The following DENND3 variants were observed in gnomAD, a reference collection of about 807,000 sequenced individuals.
DENND3 encodes the protein DENN domain-containing protein 3.
Under a neutral mutation model 135.1 loss-of-function variants are expected in DENND3, and 88 were observed. The ratio of observed to expected loss-of-function variants is 0.65; its 90% CI spans 0.55 to 0.78. The LOEUF is 0.78. Ranked by LOEUF, DENND3 falls within the 30% of genes least tolerant of loss-of-function variation. The pLI is 0.00. For missense variants in DENND3, 1,392 were observed against 1,688.4 expected (o/e 0.82, Z 3.08); for synonymous variants, 693 against 712.3 (o/e 0.97, Z 0.43).
chr8:141,151,482 G>T, intron 6 of DENND3, 137 bp from the exon 7 acceptor site: 1 of 756,436 alleles, frequency 1.3e-6, no homozygotes. Context: ...GATTGCTTAA[G>T]CCCAGGAGTT....
At chr8:141,150,766 A>G in intron 5 of DENND3, 68 bp from the exon 6 acceptor site, 1 of 1,487,660 alleles carries the variant, frequency 6.7e-7, no homozygotes, top group Non-Finnish European at 8.9e-7. Context: ...CGAAATAGTG[A>G]CAGTAGTGCA....
At chr8:141,133,640 C>T (rs745423102) in intron 1 of DENND3, among the ~76,000 whole-genome samples, 2 of 151,886 alleles carry the variant, frequency 1.3e-5, no homozygotes, top group Non-Finnish European at 2.9e-5. Context: ...CATGGTGCAG[C>T]GGGGCAGCAT....
intron 20 of DENND3, among the ~76,000 whole-genome samples, chr8:141,190,778 G>A (rs576259386): frequency 1.3e-5 from 2 of 152,314 alleles, no homozygotes; most frequent in South Asian, 2.1e-4. Flanking sequence ...CTCTGTGTGC[G>A]TCACGTCTCC....
chr8:141,195,045 G>A lies in DENND3; in HGVS notation c.*812G>A, dbSNP rs1488510967. On this transcript the variant is annotated 3_prime_UTR_variant, in exon 23 of 23. Transcript: ENST00000519811. ...CTTCCAGCGTGCCGCTCAGTTCCCC[G>A]AATCCGTGTGCACACGTGTGATCTC... The A allele has an allele frequency of 6.6e-6, 1 of 152,162 alleles. No individual in the cohort carries two copies. The highest frequency in any genetic ancestry group is 2.4e-5 in the African/African-American group (1 of 41,432). 9.4% of individuals were successfully genotyped at this position (152,162 alleles called of 1,614,324 possible).
chr8:141,192,158 T>C, intron 20 of DENND3, 173 bp from the exon 21 acceptor site: 2 of 726,786 alleles, frequency 2.8e-6, no homozygotes, highest in Middle Eastern at 8.1e-4. Flanking sequence ...CCCAGGGTTC[T>C]AGCTTGCATT....
intron 1 of DENND3, among the ~76,000 whole-genome samples, chr8:141,133,428 G>A (rs1405509693): frequency 6.6e-6 from 1 of 152,206 alleles, no homozygotes; most frequent in Admixed American, 6.5e-5. Flanking sequence ...TCAAGGCTGG[G>A]TTGGGGCCAC....
intron 16 of DENND3, among the ~76,000 whole-genome samples, 159 bp downstream of exon 16, chr8:141,178,355 G>A (rs573100174): frequency 5.3e-5 from 8 of 152,244 alleles, no homozygotes; most frequent in South Asian, 2.1e-4. Context: ...CACCTTATCC[G>A]GCATCTTTCC....
chr8:141,145,835 ATATATATATATATATGTATTT>A (rs1818023905), intron 5 of DENND3, among the ~76,000 whole-genome samples: 1 of 29,974 alleles, frequency 3.3e-5, no homozygotes, highest in African/African-American at 3.3e-4. Flanking sequence ...ATATATATAT[ATATATATATATATATGTATTT>A]TTTTTTTTTT....
chr8:141,162,204 T>C (rs1439464727), intron 9 of DENND3, among the ~76,000 whole-genome samples: 1 of 152,254 alleles, frequency 6.6e-6, no homozygotes, highest in Non-Finnish European at 1.5e-5. Flanking sequence ...TTATCTCTGC[T>C]CAAAGAGGCA....
Position 141,165,278 on chromosome 8 carries a change from G to A in DENND3, c.1542G>A (p.Ser514=), listed in dbSNP as rs2289000. The change falls in exon 11 of 23, where the codon TCG becomes TCA. Residue 514 remains serine (S), a synonymous_variant. Coordinates refer to ENST00000519811, the MANE Select transcript of DENND3 (RefSeq NM_001352890.3). ...CTCAGATGGACCTCGACACCCAGTC[G>A]GAGGAGGACAGGTGCTTCACTGTTG... is the stretch of plus-strand genomic sequence containing the variant. ...AFAQMDLDTQ[S]EEDRINGMLL... 4.1e-4 allele frequency: 663 copies of A among 1,613,904 alleles called. 8 individuals are homozygous for A. In the East Asian group the frequency reaches 0.012, roughly 29 times the overall value.
At chr8:141,151,907 T>C in intron 7 of DENND3, 70 bp downstream of exon 7, 1 of 1,579,836 alleles carries the variant, frequency 6.3e-7, no homozygotes. Flanking sequence ...CATGGGAAGA[T>C]GCGTCTGAAA....
chr8:141,163,396 C>G lies in DENND3; in HGVS notation c.1416C>G (p.Thr472=), dbSNP rs1820381798. Residue 472 remains threonine, a synonymous_variant, in exon 10 of 23, where the codon ACC becomes ACG. Transcript: ENST00000519811. ...TTAATAGTGAAGAATTTCTCAAAAC[C>G]AGGGCTCCAGGGGACCATCAGTTTT... The part of the protein sequence containing the change: ...RVFNSEEFLK[T]RAPGDHQFYK... 1 of 1,613,080 alleles carries G rather than the reference C, an allele frequency of 6.2e-7. No individual in the cohort carries two copies. Among genetic ancestry groups the G allele is most frequent in the Non-Finnish European group, 8.5e-7 (1 of 1,179,200 alleles).
intron 18 of DENND3, among the ~76,000 whole-genome samples, chr8:141,187,684 A>T (rs1824078480): frequency 6.6e-6 from 1 of 152,184 alleles, no homozygotes; most frequent in Non-Finnish European, 1.5e-5. Flanking sequence ...CTGAATAGCA[A>T]ACTTTACATG....
Position 141,141,213 on chromosome 8 carries a change from G to T in DENND3, c.512G>T (p.Cys171Phe). The change falls in exon 4 of 23, where the codon TGT (cysteine) becomes TTT (phenylalanine). Residue 171 changes from cysteine to phenylalanine, a missense_variant. By Grantham distance (205) the Cys-to-Phe change is radical. Coordinates refer to ENST00000519811, the MANE Select transcript of DENND3 (RefSeq NM_001352890.3). This position sits in a 1 kb window ranked among gnomAD's most constrained non-coding sequence, Gnocchi z 5.3. ...TTGCTTTTCATGTAGGATGAGTACTGTTTCTACAATGGCAAAACGCACCGG... is the reference window on the plus strand; with the variant it reads ...TTGCTTTTCATGTAGGATGAGTACTTTTTCTACAATGGCAAAACGCACCGG... ...QYYRPLHDEY[C>F]FYNGKTHREC... The T allele has an allele frequency of 6.2e-7, 1 of 1,614,216 alleles. No individual in the cohort carries two copies. Among genetic ancestry groups the T allele is most frequent in the Non-Finnish European group, 8.5e-7 (1 of 1,180,034 alleles).
At chr8:141,190,087 G>GCATGTTTGCATGTTATTAT (rs1325195211) in intron 19 of DENND3, among the ~76,000 whole-genome samples, 197 bp from the exon 20 acceptor site, 1 of 124,858 alleles carries the variant, frequency 8.0e-6, no homozygotes, top group Non-Finnish European at 1.7e-5. Context: ...TGCATTCATA[G>GCATGTTTGCATGTTATTAT]CATGTTTGCA....
intron 1 of DENND3, 116 bp from the exon 2 acceptor site, chr8:141,136,393 C>T (rs2154612694): frequency 9.1e-7 from 1 of 1,102,918 alleles, no homozygotes; most frequent in East Asian, 2.6e-5. Flanking sequence ...CCTGAGGCGC[C>T]AGTGTTTATG....
Position 141,128,604 on chromosome 8 carries a change from A to C in DENND3, c.-104A>C, listed in dbSNP as rs973353665. ...GCCCCGCCCCGCAGACGGCGCTCGC[A>C]GCGCCCCCGGCCCCCAGGCGGCGCG... On this transcript the variant is annotated 5_prime_UTR_variant, in exon 1 of 23. Transcript: ENST00000519811. The surrounding 1 kb of genome is among the most constrained non-coding windows in gnomAD (Gnocchi z 4.5). The C allele has an allele frequency of 5.0e-6, 3 of 601,286 alleles. No homozygotes were observed. The highest frequency in any genetic ancestry group is 5.2e-5 in the Admixed American group (1 of 19,258). The allele number at this position is 601,286 out of a possible 1,614,324, so 37.2% of individuals were successfully genotyped here.
chr8:141,128,678 T>C lies in DENND3; in HGVS notation c.-30T>C. The stretch of plus-strand genomic sequence containing the variant: ...CGACTGCGCGGCTGAGGCGCCCGAG[T>C]GCGGTACTGGCGGCGGGCGGCGGGC... On this transcript the variant is annotated 5_prime_UTR_variant, in exon 1 of 23. Transcript: ENST00000519811. This position sits in a 1 kb window ranked among gnomAD's most constrained non-coding sequence, Gnocchi z 4.5. 1.5e-6 allele frequency: 2 copies of C among 1,336,520 alleles called. No homozygotes were observed. The highest frequency in any genetic ancestry group is 3.2e-5 in the East Asian group (1 of 31,554). 82.8% of individuals were successfully genotyped at this position (1,336,520 alleles called of 1,614,324 possible).
rs1182020014 is a variant in DENND3, at chr8:141,166,208, A to G, written c.1572A>G (p.Leu524=). Residue 524 remains leucine (L), a synonymous_variant, in exon 12 of 23, where the codon CTA becomes CTG. Coordinates refer to ENST00000519811, the MANE Select transcript of DENND3 (RefSeq NM_001352890.3). This position sits in a 1 kb window ranked among gnomAD's most constrained non-coding sequence, Gnocchi z 4.3. ...SEEDRINGML[L]SPRRPTVEKR... is the part of the protein sequence containing the mutation. The stretch of plus-strand genomic sequence containing the variant: ...ACCCCAGAATAAATGGAATGCTTCT[A>G]AGTCCAAGGAGACCGACCGTTGAGA... 2.5e-6 allele frequency: 4 copies of G among 1,614,178 alleles called. No individual in the cohort carries two copies. The highest frequency in any genetic ancestry group is 3.4e-6 in the Non-Finnish European group (4 of 1,180,026).
Sources: allele counts gnomAD v4.1 joint callset (sites outside exome capture counted in the v4.1 genomes callset), GRCh38; gene constraint gnomAD v4.1.1; non-coding constraint Gnocchi (gnomAD v3.1); transcripts MANE v1.5; gene names NCBI Gene and HGNC (gene_info 2026-07-23, HGNC 2026-07-21).